The following CNTNAP2 variants were observed in gnomAD, a reference collection of about 807,000 sequenced individuals.
The protein encoded by CNTNAP2 is contactin-associated protein-like 2.
In CNTNAP2, 98 loss-of-function variants were observed where a neutral mutation model predicts 155.2. The ratio of observed to expected loss-of-function variants is 0.63; its 90% confidence interval spans 0.54 to 0.75. The LOEUF (loss-of-function observed/expected upper bound fraction) is 0.75, where lower values mean the gene tolerates loss of function less well. CNTNAP2 is among the 30% of genes least tolerant of loss of function. CNTNAP2 has a pLI of 0.00. For synonymous variants in CNTNAP2, 651 were observed against 631.2 expected (o/e 1.03, Z -0.47); for missense variants, 1,727 against 1,688.1 (o/e 1.02, Z -0.40).
intron 20 of CNTNAP2, among the ~76,000 whole-genome samples, chr7:148,253,036 A>AAAT (rs1796393930): frequency 8.7e-6 from 1 of 114,500 alleles, no homozygotes; most frequent in African/African-American, 2.9e-5. Flanking sequence ...ATAGATAGAT[A>AAAT]GATAGATAGA....
chr7:146,674,280 A>G (rs1339931704), intron 1 of CNTNAP2, among the ~76,000 whole-genome samples: 1 of 152,168 alleles, frequency 6.6e-6, no homozygotes, highest in Non-Finnish European at 1.5e-5. Flanking sequence ...GAAAAGTGCT[A>G]TTTACTTAGC....
rs540123908 is a variant in CNTNAP2 at position 146,231,390 on chromosome 7, A to G, written c.97+114417A>G. ...GCTCTACTCTACTTCTGCATCAATC[A>G]GTCCTGTTCGCAGCAACTAGTCACC... On this transcript the variant is annotated intron_variant, in intron 1 of 23. Coordinates refer to ENST00000361727, the MANE Select transcript of CNTNAP2 (RefSeq NM_014141.6). 8.5e-5 allele frequency among the ~76,000 whole-genome samples: 13 copies of G among 152,236 alleles called. No homozygotes were observed. The East Asian group carries it at 1.9e-3, about 23-fold the overall frequency.
intron 1 of CNTNAP2, among the ~76,000 whole-genome samples, chr7:146,373,451 G>A (rs1241459366): frequency 6.6e-6 from 1 of 151,154 alleles, no homozygotes; most frequent in East Asian, 1.9e-4. Context: ...TGAGGTCAAA[G>A]CATCAAAGGA....
In CNTNAP2 at chr7:147,394,703, G is replaced by C. The variant is rs562574859; in HGVS notation, c.1499-906G>C. Among the ~76,000 whole-genome samples the C allele has an allele frequency of 1.1e-4, 16 of 151,722 alleles. No homozygotes were observed. The South Asian group carries it at 3.3e-3, about 32-fold the overall frequency. On this transcript the variant is annotated intron_variant, in intron 9 of 23. Coordinates refer to ENST00000361727, the MANE Select transcript of CNTNAP2 (RefSeq NM_014141.6). ...ATGTTTCTCTTAAAAAGATATAATA[G>C]TAATTGATTGGTGGTGATCTCTTAA...
chr7:148,382,377 AC>A (rs1188308044), intron 21 of CNTNAP2, among the ~76,000 whole-genome samples: 1 of 151,984 alleles, frequency 6.6e-6, no homozygotes, highest in African/African-American at 2.4e-5. Flanking sequence ...TTAAATTGAG[AC>A]CCCGCAGACA....
At chr7:147,203,990 G>A (rs531777107) in intron 8 of CNTNAP2, among the ~76,000 whole-genome samples, 16 of 152,126 alleles carry the variant, frequency 1.1e-4, no homozygotes, top group African/African-American at 3.6e-4. Flanking sequence ...AGATAGCTTA[G>A]AAAATTAAAA....
chr7:147,131,669 T>C (rs987141134), intron 7 of CNTNAP2, among the ~76,000 whole-genome samples: 3 of 152,078 alleles, frequency 2.0e-5, no homozygotes, highest in African/African-American at 7.2e-5. Flanking sequence ...ACAACCACAA[T>C]TACATTAATG....
rs188778430 is a variant in CNTNAP2, at chr7:146,200,052, G to T, written c.97+83079G>T. Among the ~76,000 whole-genome samples the T allele has an allele frequency of 3.3e-5, 5 of 152,262 alleles. No individual in the cohort carries two copies. The East Asian group carries it at 9.7e-4, about 29-fold the overall frequency. On this transcript the variant is annotated intron_variant, in intron 1 of 23. Transcript: ENST00000361727. ...GAGTGACAGCTTCTGGTAGTGTGAA[G>T]AAGTAGAATCTGTCTAAAATATTCA...
intron 1 of CNTNAP2, among the ~76,000 whole-genome samples, chr7:146,588,081 T>C (rs959978251): frequency 4.6e-5 from 7 of 152,182 alleles, no homozygotes; most frequent in African/African-American, 1.7e-4. Flanking sequence ...AAGCCTGCTA[T>C]GGATTCACGT....
intron 1 of CNTNAP2, among the ~76,000 whole-genome samples, chr7:146,194,029 A>G (rs922421545): frequency 2.0e-5 from 3 of 152,202 alleles, no homozygotes; most frequent in Non-Finnish European, 4.4e-5. Flanking sequence ...AGACCACCTC[A>G]ACCTGGACTT....
At chr7:147,852,739 G>A (rs974027991) in intron 13 of CNTNAP2, among the ~76,000 whole-genome samples, 3 of 151,980 alleles carry the variant, frequency 2.0e-5, no homozygotes, top group Admixed American at 6.6e-5. Context: ...CATTCACTTT[G>A]AGATCTTCCT....
chr7:147,783,689 G>A (rs1231244554), intron 13 of CNTNAP2, among the ~76,000 whole-genome samples: 1 of 152,166 alleles, frequency 6.6e-6, no homozygotes, highest in Non-Finnish European at 1.5e-5. Flanking sequence ...TTGGGCTTTG[G>A]GAGGTGATTA....
chr7:147,059,489 C>T (rs1215270159), intron 4 of CNTNAP2, among the ~76,000 whole-genome samples: 1 of 149,902 alleles, frequency 6.7e-6, no homozygotes, highest in Non-Finnish European at 1.5e-5. Flanking sequence ...ATCTTATTTC[C>T]AATTGTACAA....
intron 1 of CNTNAP2, among the ~76,000 whole-genome samples, chr7:146,561,570 C>T (rs745876537): frequency 1.3e-5 from 2 of 151,958 alleles, no homozygotes; most frequent in Admixed American, 1.3e-4. Flanking sequence ...GAGGCGGGAG[C>T]GTCGCTTGAC....
At chr7:148,309,058 G>C (rs1386255188) in intron 21 of CNTNAP2, among the ~76,000 whole-genome samples, 1 of 152,146 alleles carries the variant, frequency 6.6e-6, no homozygotes, top group Non-Finnish European at 1.5e-5. Context: ...TGTCTTTATA[G>C]TAGAATGACT....
intron 15 of CNTNAP2, among the ~76,000 whole-genome samples, chr7:148,004,146 C>T (rs1254876879): frequency 6.6e-6 from 1 of 152,142 alleles, no homozygotes; most frequent in Non-Finnish European, 1.5e-5. Flanking sequence ...TATACAAAAT[C>T]TTTCTGCATG....
chr7:146,931,175 C>G (rs1337740786), intron 3 of CNTNAP2, among the ~76,000 whole-genome samples: 1 of 151,850 alleles, frequency 6.6e-6, no homozygotes, highest in African/African-American at 2.4e-5. Flanking sequence ...AAATTGACCA[C>G]ATAGTTGGAA....
In CNTNAP2 at chr7:147,495,949, T is replaced by C. The variant is rs372042353; in HGVS notation, c.1777+9908T>C. Among the ~76,000 whole-genome samples the C allele has an allele frequency of 1.1e-4, 17 of 152,214 alleles. 2 individuals are homozygous for C. Among genetic ancestry groups the C allele is most frequent in the African/African-American group, 4.1e-4 (17 of 41,530 alleles). ...ACTTCCTGTCAGATCACGGGCAGCA[T>C]CAGATTCTCAGAGGAGCACGAATGC... is the stretch of plus-strand genomic sequence containing the variant. On this transcript the variant is annotated intron_variant, in intron 11 of 23. Transcript: ENST00000361727.
intron 1 of CNTNAP2, among the ~76,000 whole-genome samples, chr7:146,291,316 C>T (rs372187445): frequency 6.6e-6 from 1 of 151,842 alleles, no homozygotes; most frequent in Admixed American, 6.6e-5. Context: ...TTTGCGTAGC[C>T]CTTGAGCTAA....
Sources: allele counts gnomAD v4.1 joint callset (sites outside exome capture counted in the v4.1 genomes callset), GRCh38; gene constraint gnomAD v4.1.1; transcripts MANE v1.5; gene names NCBI Gene and HGNC (gene_info 2026-07-23, HGNC 2026-07-21).